LMO7: variants seen among roughly 807,000 people sequenced by gnomAD.
LMO7 encodes the protein LIM domain 7.
In LMO7, 120 loss-of-function variants were observed where a neutral mutation model predicts 206.5. The ratio of observed to expected loss-of-function variants is 0.58; its 90% CI spans 0.50 to 0.68. The LOEUF is 0.68. Ranked by LOEUF, LMO7 falls within the 30% of genes least tolerant of loss-of-function variation. The pLI, the probability that LMO7 is intolerant of heterozygous loss-of-function variation, is 0.00. For synonymous variants in LMO7, 706 were observed against 681.5 expected (o/e 1.04, Z -0.56); for missense variants, 1,959 against 1,957.9 (o/e 1.00, Z -0.01).
At chr13:75,698,233 A>G (rs930378550) in intron 1 of LMO7, among the ~76,000 whole-genome samples, 2 of 152,154 alleles carry the variant, frequency 1.3e-5, no homozygotes, top group Non-Finnish European at 2.9e-5. Context: ...TAGCTGGGGT[A>G]GAAATTCCAC....
intron 1 of LMO7, among the ~76,000 whole-genome samples, chr13:75,693,406 T>G (rs2041647500): frequency 6.6e-6 from 1 of 152,188 alleles, no homozygotes; most frequent in African/African-American, 2.4e-5. Context: ...TTCATCAAAA[T>G]TTCATATCAG....
intron 2 of LMO7, among the ~76,000 whole-genome samples, chr13:75,720,300 A>T (rs1439822082): frequency 2.0e-5 from 3 of 152,100 alleles, no homozygotes; most frequent in Non-Finnish European, 4.4e-5. Flanking sequence ...TATTCCCTTG[A>T]CAGTGTCTTT....
rs182859725 is a variant in LMO7, at chr13:75,796,745, C to A, written c.458C>A (p.Thr153Lys). The change falls in exon 6 of 31, where the codon ACG (threonine) becomes AAG (lysine). Residue 153 changes from threonine (T) to lysine (K), a missense_variant. Thr to Lys is a moderately conservative substitution (Grantham distance 78). Transcript: ENST00000377534. ...GAGAATCTTTTAGGACAAGCACTGA[C>A]GAAGGTAAGTAAACTACATCTGTGT... ...AFENLLGQALTKALEDSSFLK... is the reference protein window; with the variant it reads ...AFENLLGQALKKALEDSSFLK... 1 of 1,574,156 alleles carries A rather than the reference C, an allele frequency of 6.4e-7. No individual in the cohort carries two copies. Among genetic ancestry groups the A allele is most frequent in the South Asian group, 1.1e-5 (1 of 90,270 alleles).
intron 11 of LMO7, among the ~76,000 whole-genome samples, chr13:75,811,540 A>G (rs1035712029): frequency 2.6e-5 from 4 of 152,240 alleles, no homozygotes; most frequent in Admixed American, 2.6e-4. Context: ...TCATTGAAAA[A>G]TAACTGCCTA....
chr13:75,845,510 A>G (rs2059917218), intron 26 of LMO7, 131 bp downstream of exon 26: 1 of 547,200 alleles, frequency 1.8e-6, no homozygotes, highest in Admixed American at 3.8e-5. Context: ...TAGTATTTTA[A>G]CCTCTGTATA....
intron 1 of LMO7, among the ~76,000 whole-genome samples, chr13:75,672,804 G>GAA (rs71678588): frequency 7.2e-5 from 4 of 55,350 alleles, no homozygotes; most frequent in African/African-American, 2.0e-4. Context: ...TCTGATAAGT[G>GAA]GTTAATATGT....
At chr13:75,694,466 T>C (rs1566317665) in intron 1 of LMO7, among the ~76,000 whole-genome samples, 1 of 152,184 alleles carries the variant, frequency 6.6e-6, no homozygotes, top group Non-Finnish European at 1.5e-5. Flanking sequence ...GAAGACTGTT[T>C]TGATTTTTAA....
At chr13:75,726,922 T>A (rs1380468893) in intron 2 of LMO7, 107 bp from the exon 3 acceptor site, 2 of 704,940 alleles carry the variant, frequency 2.8e-6, no homozygotes, top group African/African-American at 3.6e-5. Context: ...GCTCTCTGTA[T>A]AACACATTGA....
Position 75,823,774 on chromosome 13 carries a change from C to T in LMO7, c.2850C>T (p.Ala950=), listed in dbSNP as rs1476195896. 6.2e-7 allele frequency: 1 copy of T among 1,613,978 alleles called. No individual in the cohort carries two copies. The highest frequency in any genetic ancestry group is 8.5e-7 in the Non-Finnish European group (1 of 1,179,970). Residue 950 remains alanine (A), a synonymous_variant, in exon 15 of 31, where the codon GCC becomes GCT. Coordinates refer to ENST00000377534, the MANE Select transcript of LMO7 (RefSeq NM_001306080.2). The part of the protein sequence containing the change: ...PFSSLSQDQA[A]TSKATLSSTS... ...CATCTCTTTCCCAAGACCAGGCTGCCACTTCTAAAGCCACATTGTCTTCCA... is the reference window on the plus strand; with the variant it reads ...CATCTCTTTCCCAAGACCAGGCTGCTACTTCTAAAGCCACATTGTCTTCCA...
At chr13:75,830,792 G>T (rs1324154103) in intron 15 of LMO7, among the ~76,000 whole-genome samples, 1 of 152,072 alleles carries the variant, frequency 6.6e-6, no homozygotes, top group African/African-American at 2.4e-5. Flanking sequence ...TCCTATATTT[G>T]GTAGAAAAGG....
At chr13:75,841,088 A>G (rs760545061) in intron 22 of LMO7, 21 bp from the exon 23 acceptor site, 21 of 1,467,764 alleles carry the variant, frequency 1.4e-5, no homozygotes, top group Non-Finnish European at 2.0e-5. Context: ...TTGGATTAAT[A>G]TATGTCATAT....
intron 4 of LMO7, among the ~76,000 whole-genome samples, chr13:75,772,676 A>C (rs975092423): frequency 5.3e-5 from 8 of 152,128 alleles, no homozygotes; most frequent in Non-Finnish European, 1.2e-4. Flanking sequence ...TAAATGAAGG[A>C]ATTCTTTTTT....
chr13:75,658,118 C>T (rs918008137), intron 1 of LMO7, among the ~76,000 whole-genome samples: 2 of 151,912 alleles, frequency 1.3e-5, no homozygotes, highest in East Asian at 1.9e-4. Context: ...CTATTCCTTC[C>T]GTCCTTGCTG....
chr13:75,717,207 C>CA (rs1164048938), intron 2 of LMO7, among the ~76,000 whole-genome samples: 1 of 151,654 alleles, frequency 6.6e-6, no homozygotes, highest in African/African-American at 2.4e-5. Flanking sequence ...ATTAAAAATA[C>CA]AAAAAATTAG....
At chr13:75,733,625 T>C (rs1042268776) in intron 3 of LMO7, among the ~76,000 whole-genome samples, 10 of 142,558 alleles carry the variant, frequency 7.0e-5, no homozygotes, top group Admixed American at 1.4e-4. Flanking sequence ...CATCGTGCAC[T>C]GCACCCACTG....
rs2061145020 is a variant in LMO7 at position 75,858,884 on chromosome 13, T to C, written c.*941T>C. 6.6e-6 allele frequency: 1 copy of C among 152,230 alleles called. No individual in the cohort carries two copies. Among genetic ancestry groups the C allele is most frequent in the South Asian group, 2.1e-4 (1 of 4,836 alleles). 9.4% of individuals were successfully genotyped at this position (152,230 alleles called of 1,614,324 possible). Reference sequence around the variant, plus strand: ...TCGAAACTATGCCACAGTCTGGATGTGTTTACTGAAACATTTTAATAAGGA... The same window carrying C: ...TCGAAACTATGCCACAGTCTGGATGCGTTTACTGAAACATTTTAATAAGGA... On this transcript the variant is annotated 3_prime_UTR_variant, in exon 31 of 31. Coordinates refer to ENST00000377534, the MANE Select transcript of LMO7 (RefSeq NM_001306080.2).
At chr13:75,737,931 T>C (rs2046080207) in intron 3 of LMO7, among the ~76,000 whole-genome samples, 1 of 148,984 alleles carries the variant, frequency 6.7e-6, no homozygotes, top group African/African-American at 2.5e-5. Flanking sequence ...ATTTTTTTGG[T>C]GTCTCTTAGT....
chr13:75,713,631 C>T (rs530238727), intron 2 of LMO7, among the ~76,000 whole-genome samples: 2 of 152,236 alleles, frequency 1.3e-5, no homozygotes, highest in East Asian at 1.9e-4. Flanking sequence ...TACACAAAAT[C>T]TTTGCTTCAT....
At chr13:75,706,069 C>T (rs1418197503) in intron 1 of LMO7, among the ~76,000 whole-genome samples, 4 of 152,162 alleles carry the variant, frequency 2.6e-5, no homozygotes, top group Non-Finnish European at 5.9e-5. Flanking sequence ...TGCATATTAT[C>T]TCATTTAATT....
Sources: gnomAD v4.1 joint callset for allele counts (sites outside exome capture counted in the v4.1 genomes callset) on GRCh38, gnomAD v4.1.1 for gene constraint, MANE v1.5 for transcripts, NCBI Gene and HGNC (gene_info 2026-07-23, HGNC 2026-07-21) for gene names.